The following RBM26 variants were observed in gnomAD, a reference collection of about 807,000 sequenced individuals.
The protein encoded by RBM26 is RNA-binding protein 26.
A neutral mutation model predicts 123.6 loss-of-function variants in RBM26; 30 were observed. The ratio of observed to expected loss-of-function variants is 0.24; its 90% CI spans 0.18 to 0.33. The LOEUF (loss-of-function observed/expected upper bound fraction) is 0.33, where lower values mean the gene tolerates loss of function less well. Among genes scored for constraint, RBM26 ranks in the 10% least tolerant of loss-of-function variants. The probability of loss-of-function intolerance (pLI) is 1.00; values close to 1 mark genes in which losing one functional copy is unlikely to be tolerated. For missense variants in RBM26, 947 were observed against 1,203.6 expected (o/e 0.79, Z 3.15); for synonymous variants, 400 against 404.4 (o/e 0.99, Z 0.13).
intron 5 of RBM26, among the ~76,000 whole-genome samples, chr13:79,370,513 A>G (rs559702075): frequency 1.3e-5 from 2 of 152,330 alleles, no homozygotes; most frequent in South Asian, 4.1e-4. Flanking sequence ...GGCTGTTTCT[A>G]GATCTGGCTC....
At position 79,372,815 on chromosome 13, in the gene RBM26, T is replaced by TATATGATA. The variant is rs1210650864; in HGVS notation, c.328-886_328-885insTATCATAT. On this transcript the variant is annotated intron_variant, in intron 3 of 21. Transcript: ENST00000438737. ...TATATTATAATTATATGATATATAT[T>TATATGATA]TATAATAAATATTTTATATAAATAT... Among the ~76,000 whole-genome samples, 2 of 113,040 alleles carry TATATGATA rather than the reference T, an allele frequency of 1.8e-5. 1 individual carries two copies. The highest frequency in any genetic ancestry group is 9.7e-5 in the African/African-American group (2 of 20,672). The allele number at this position is 113,040 out of a possible 152,430, so 74.2% of individuals were successfully genotyped here.
chr13:79,332,481 CT>C (rs2069596510), intron 20 of RBM26, among the ~76,000 whole-genome samples: 1 of 152,068 alleles, frequency 6.6e-6, no homozygotes, highest in South Asian at 2.1e-4. Context: ...ATTTTCTATT[CT>C]TTTCAACATT....
Position 79,319,904 on chromosome 13 carries a change from T to G in RBM26, c.*717A>C. ...GGTCTATTTTAATTTTTTTCTTTTC[T>G]TTTTTCTTTTCTTTTTTTTTTTAAA... On this transcript the variant is annotated 3_prime_UTR_variant, in exon 22 of 22. Coordinates refer to ENST00000438737, the MANE Select transcript of RBM26 (RefSeq NM_001366735.2). 1.0e-6 allele frequency: 1 copy of G among 954,318 alleles called. No individual in the cohort carries two copies. The highest frequency in any genetic ancestry group is 1.2e-6 in the Non-Finnish European group (1 of 803,614). 59.1% of individuals were successfully genotyped at this position (954,318 alleles called of 1,614,324 possible).
rs539817073 is a variant in RBM26 at position 79,339,043 on chromosome 13, C to T, written c.2533-1741G>A. Among the ~76,000 whole-genome samples, 75 of 152,240 alleles carry T rather than the reference C, an allele frequency of 4.9e-4. 1 individual carries two copies. The South Asian group carries it at 0.015, about 31-fold the overall frequency. On this transcript the variant is annotated intron_variant, in intron 18 of 21. Transcript: ENST00000438737. ...TGGAAGTGTGAAGCAGGCACAGCTGCCAAATCTCTGCTAGTACAGGTATTT... is the reference window on the plus strand; with the variant it reads ...TGGAAGTGTGAAGCAGGCACAGCTGTCAAATCTCTGCTAGTACAGGTATTT...
At chr13:79,378,931 A>G in intron 1 of RBM26, 24 bp from the exon 2 acceptor site, 1 of 1,431,042 alleles carries the variant, frequency 7.0e-7, no homozygotes, top group Non-Finnish European at 9.7e-7. Context: ...CCAATGTTGA[A>G]GAAAATTTAG....
At chr13:79,367,428 A>AAAAAAAAAAAAAAG (rs1566476078) in intron 6 of RBM26, among the ~76,000 whole-genome samples, 6 of 43,406 alleles carry the variant, frequency 1.4e-4, no homozygotes, top group African/African-American at 3.7e-4. Context: ...AAAAAAAAAA[A>AAAAAAAAAAAAAAG]AAAAGAAGAA....
At chr13:79,339,086 G>A (rs1002401890) in intron 18 of RBM26, among the ~76,000 whole-genome samples, 1 of 152,162 alleles carries the variant, frequency 6.6e-6, no homozygotes, top group African/African-American at 2.4e-5. Flanking sequence ...TGCATCTCAA[G>A]ACAGTTAATC....
At chr13:79,373,368 T>A (rs190614296) in intron 3 of RBM26, among the ~76,000 whole-genome samples, 50,705 of 97,154 alleles carry the variant, frequency 0.52, 14,019 homozygotes, top group Middle Eastern at 0.61. Flanking sequence ...TATAAATATA[T>A]AATATATATT....
At chr13:79,324,163 G>A (rs1447433258) in intron 20 of RBM26, among the ~76,000 whole-genome samples, 1 of 151,654 alleles carries the variant, frequency 6.6e-6, no homozygotes, top group African/African-American at 2.4e-5. Flanking sequence ...TATTCTGTGA[G>A]GAATTCGGAG....
intron 14 of RBM26, among the ~76,000 whole-genome samples, chr13:79,345,624 T>C (rs539665661): frequency 1.3e-5 from 2 of 151,964 alleles, no homozygotes; most frequent in Admixed American, 1.3e-4. Flanking sequence ...GGGCCTCAGT[T>C]TGCTCATCTA....
chr13:79,334,626 C>A (rs1475139920), intron 19 of RBM26, among the ~76,000 whole-genome samples, 196 bp from the exon 20 acceptor site: 1 of 152,080 alleles, frequency 6.6e-6, no homozygotes, highest in African/African-American at 2.4e-5. Flanking sequence ...GTCTTCCAAT[C>A]TTACATACAA....
chr13:79,389,805 A>T (rs924150257), intron 1 of RBM26, among the ~76,000 whole-genome samples: 2 of 152,196 alleles, frequency 1.3e-5, no homozygotes, highest in Non-Finnish European at 2.9e-5. Flanking sequence ...ATTCAAGAAA[A>T]TAAGCTTTTT....
chr13:79,331,483 AAT>A (rs2069359271), intron 20 of RBM26, among the ~76,000 whole-genome samples: 1 of 147,664 alleles, frequency 6.8e-6, no homozygotes, highest in African/African-American at 2.6e-5. Flanking sequence ...AAAAAAAAAA[AAT>A]TAACTGGGCG....
intron 14 of RBM26, among the ~76,000 whole-genome samples, chr13:79,346,411 C>G (rs897664180): frequency 4.6e-5 from 7 of 152,150 alleles, no homozygotes; most frequent in African/African-American, 1.7e-4. Flanking sequence ...CAGGGTCTCA[C>G]TTTGTCACCC....
chr13:79,389,714 G>A (rs1333804920), intron 1 of RBM26: 1 of 152,132 alleles, frequency 6.6e-6, no homozygotes, highest in Non-Finnish European at 1.5e-5. Flanking sequence ...TCAAGGATGG[G>A]AAACGTAAAG....
At chr13:79,346,101 G>C (rs191539948) in intron 14 of RBM26, among the ~76,000 whole-genome samples, 3 of 152,266 alleles carry the variant, frequency 2.0e-5, no homozygotes, top group Admixed American at 6.5e-5. Context: ...AACTACTCAA[G>C]TTTAAGAGTA....
intron 3 of RBM26, among the ~76,000 whole-genome samples, chr13:79,374,679 A>G (rs2076484959): frequency 6.6e-6 from 1 of 151,026 alleles, no homozygotes; most frequent in African/African-American, 2.4e-5. Context: ...GGGTACTAAT[A>G]CGACCCTTCT....
At chr13:79,312,901 T>A (rs1218455052) in exon 5 of RBM26, 1 of 151,872 alleles carries the variant, frequency 6.6e-6, no homozygotes, top group Admixed American at 6.6e-5. Flanking sequence ...CACCAATGAC[T>A]TTTTCCTAAG....
intron 18 of RBM26, among the ~76,000 whole-genome samples, chr13:79,339,503 C>A (rs1030126812): frequency 3.3e-5 from 5 of 152,014 alleles, no homozygotes; most frequent in African/African-American, 9.7e-5. Flanking sequence ...ACACATATAT[C>A]AAAACATTTT....
Sources: allele counts gnomAD v4.1 joint callset (sites outside exome capture counted in the v4.1 genomes callset), GRCh38; gene constraint gnomAD v4.1.1; transcripts MANE v1.5; gene names NCBI Gene and HGNC (gene_info 2026-07-23, HGNC 2026-07-21).